Variants in TMTC1 observed in about 807,000 individuals in gnomAD.
The protein encoded by TMTC1 is protein O-mannosyl-transferase TMTC1.
In TMTC1, 73 loss-of-function variants were observed where a neutral mutation model predicts 104.8. That is an observed-to-expected ratio of 0.70 (90% CI 0.58 to 0.85). TMTC1 has a LOEUF of 0.85. Ranked by LOEUF, TMTC1 falls within the 40% of genes least tolerant of loss-of-function variation. The pLI is 0.00. For synonymous variants in TMTC1, 434 were observed against 428.7 expected (o/e 1.01, Z -0.15); for missense variants, 1,035 against 1,096.1 (o/e 0.94, Z 0.79).
In TMTC1 at chr12:29,506,310, T is replaced by C. The variant is rs966392916; in HGVS notation, c.*536A>G. Reference sequence around the variant, plus strand: ...AAGCTCACTTAGCAATAGCCCTTTTTCCCCACATATTCTGGAAGGTTCTAC... The same window carrying C: ...AAGCTCACTTAGCAATAGCCCTTTTCCCCCACATATTCTGGAAGGTTCTAC... On this transcript the variant is annotated 3_prime_UTR_variant, in exon 18 of 18. Transcript: ENST00000539277. 2 of 152,706 alleles carry C rather than the reference T, an allele frequency of 1.3e-5. No homozygotes were observed. The highest frequency in any genetic ancestry group is 2.4e-5 in the African/African-American group (1 of 41,452). 9.5% of individuals were successfully genotyped at this position (152,706 alleles called of 1,614,324 possible). A position where few individuals can be genotyped will look rare whatever the true frequency, so the allele number is the denominator to read the frequency against.
At chr12:29,514,637 G>A in intron 15 of TMTC1, 33 bp from the exon 16 acceptor site, 2 of 1,587,802 alleles carry the variant, frequency 1.3e-6, no homozygotes, top group Non-Finnish European at 8.5e-7. Flanking sequence ...CAGAATAAAT[G>A]CAGATTAGGT....
rs1173425634 is a variant in TMTC1, at chr12:29,507,128, A to G, written c.2509-142T>C. 4.3e-6 allele frequency: 3 copies of G among 690,454 alleles called. No individual in the cohort carries two copies. The East Asian group carries it at 7.8e-5, about 18-fold the overall frequency. 42.8% of individuals were successfully genotyped at this position (690,454 alleles called of 1,614,324 possible). On this transcript the variant is annotated intron_variant, in intron 17 of 17. Coordinates refer to ENST00000539277, the MANE Select transcript of TMTC1 (RefSeq NM_001193451.2). ...AAACTCTGTCTGTATGTGTAATTTTATCCTTGTCTATTGGTGCTTTTGAAG... is the reference window on the plus strand; with the variant it reads ...AAACTCTGTCTGTATGTGTAATTTTGTCCTTGTCTATTGGTGCTTTTGAAG...
intron 5 of TMTC1, among the ~76,000 whole-genome samples, chr12:29,750,096 A>AC (rs1943054393): frequency 2.6e-5 from 3 of 116,518 alleles, no homozygotes; most frequent in South Asian, 3.3e-4. Flanking sequence ...CACACACACA[A>AC]ACTCCAGTAT....
intron 5 of TMTC1, among the ~76,000 whole-genome samples, chr12:29,664,126 G>A (rs1456861895): frequency 6.7e-6 from 1 of 150,364 alleles, no homozygotes; most frequent in Non-Finnish European, 1.5e-5. Flanking sequence ...GGCGGAGCTT[G>A]CAGTGAGCCG....
intron 1 of TMTC1, among the ~76,000 whole-genome samples, chr12:29,768,411 T>A (rs1215268653): frequency 6.6e-6 from 1 of 152,216 alleles, no homozygotes; most frequent in Non-Finnish European, 1.5e-5. Flanking sequence ...TTATTTTCAC[T>A]GCTGGCTCTT....
chr12:29,652,899 TAAAAATAC>T (rs1483302798), intron 5 of TMTC1, among the ~76,000 whole-genome samples: 1 of 152,020 alleles, frequency 6.6e-6, no homozygotes, highest in African/African-American at 2.4e-5. Flanking sequence ...CCGTTTCTAC[TAAAAATAC>T]AAAAATTAGC....
intron 5 of TMTC1, among the ~76,000 whole-genome samples, chr12:29,751,385 G>T (rs537881667): frequency 6.6e-6 from 1 of 152,108 alleles, no homozygotes; most frequent in Non-Finnish European, 1.5e-5. Context: ...AACGTAGGGC[G>T]CCCATCTTCT....
intron 5 of TMTC1, among the ~76,000 whole-genome samples, chr12:29,634,012 C>T (rs1259926668): frequency 6.6e-6 from 1 of 152,134 alleles, no homozygotes; most frequent in Non-Finnish European, 1.5e-5. Flanking sequence ...GTGTTCTAGA[C>T]CCTTGAGAAC....
intron 5 of TMTC1, among the ~76,000 whole-genome samples, chr12:29,745,018 T>C (rs1317003481): frequency 6.6e-6 from 1 of 152,124 alleles, no homozygotes; most frequent in Non-Finnish European, 1.5e-5. Flanking sequence ...CACAAACTCT[T>C]GGACTTAAGC....
intron 7 of TMTC1, among the ~76,000 whole-genome samples, chr12:29,598,709 A>T (rs894819595): frequency 6.6e-6 from 1 of 151,944 alleles, no homozygotes; most frequent in East Asian, 1.9e-4. Flanking sequence ...TTGCAAATGG[A>T]ATTGTTTTCT....
intron 5 of TMTC1, among the ~76,000 whole-genome samples, chr12:29,679,752 C>T (rs11050365): frequency 0.21 from 31,480 of 151,394 alleles, 3,655 homozygotes; most frequent in East Asian, 0.29. Context: ...AAAGGGTAAC[C>T]TATAAGTAGA....
At chr12:29,667,550 A>C (rs897227771) in intron 5 of TMTC1, among the ~76,000 whole-genome samples, 1 of 152,220 alleles carries the variant, frequency 6.6e-6, no homozygotes, top group African/African-American at 2.4e-5. Flanking sequence ...TAGAGGTGAA[A>C]GGAATCAAAA....
intron 10 of TMTC1, 80 bp from the exon 11 acceptor site, chr12:29,536,397 T>C: frequency 1.1e-6 from 1 of 909,002 alleles, no homozygotes; most frequent in African/African-American, 1.7e-5. Flanking sequence ...ACTCTAAAAA[T>C]CTCATTTCTT....
intron 1 of TMTC1, among the ~76,000 whole-genome samples, chr12:29,779,428 C>T (rs902724554): frequency 6.6e-6 from 1 of 152,218 alleles, no homozygotes; most frequent in African/African-American, 2.4e-5. Context: ...CCCATCCCCT[C>T]AAAACTGGTA....
intron 7 of TMTC1, among the ~76,000 whole-genome samples, chr12:29,589,106 C>G (rs2081429): frequency 0.44 from 66,741 of 152,068 alleles, 16,593 homozygotes; most frequent in African/African-American, 0.68. Context: ...TATGTAAAGC[C>G]CCGATTTACT....
At chr12:29,520,571 T>C in intron 12 of TMTC1, 47 bp downstream of exon 12, 1 of 1,476,404 alleles carries the variant, frequency 6.8e-7, no homozygotes, top group Non-Finnish European at 9.3e-7. Context: ...CTTGATAAAT[T>C]GTATTAGCTA....
chr12:29,758,827 A>C (rs1232784049), intron 2 of TMTC1, 50 bp from the exon 3 acceptor site: 2 of 1,469,994 alleles, frequency 1.4e-6, no homozygotes, highest in Non-Finnish European at 9.2e-7. Flanking sequence ...TTACTTTCAG[A>C]AAACTATTAC....
chr12:29,648,420 T>C (rs983222029), intron 5 of TMTC1, among the ~76,000 whole-genome samples: 2 of 152,210 alleles, frequency 1.3e-5, no homozygotes, highest in African/African-American at 2.4e-5. Flanking sequence ...TTCTTTTCTT[T>C]TTTTCAGATG....
At chr12:29,676,385 G>A (rs552150960) in intron 5 of TMTC1, among the ~76,000 whole-genome samples, 1 of 152,004 alleles carries the variant, frequency 6.6e-6, no homozygotes, top group Admixed American at 6.6e-5. Context: ...CAATTTTCTG[G>A]GTCCTATCAC....
Sources: allele counts gnomAD v4.1 joint callset (sites outside exome capture counted in the v4.1 genomes callset), GRCh38; gene constraint gnomAD v4.1.1; transcripts MANE v1.5; gene names NCBI Gene and HGNC (gene_info 2026-07-23, HGNC 2026-07-21).